The following C8orf34 variants were observed in gnomAD, a reference collection of about 807,000 sequenced individuals.
The protein encoded by C8orf34 is chromosome 8 open reading frame 34, also known as uncharacterized protein C8orf34.
In C8orf34, 65 loss-of-function variants were observed where a neutral mutation model predicts 68.3. The ratio of observed to expected loss-of-function variants is 0.95; its 90% CI spans 0.78 to 1.17. C8orf34 has a LOEUF of 1.17. Ranked by LOEUF, C8orf34 falls within the 50% of genes most tolerant of loss-of-function variation. The pLI is 0.00. For missense variants in C8orf34, 664 were observed against 655.4 expected (o/e 1.01, Z -0.14); for synonymous variants, 244 against 241.2 (o/e 1.01, Z -0.11).
chr8:68,459,810 C>T (rs1251262060), intron 3 of C8orf34, among the ~76,000 whole-genome samples: 1 of 152,100 alleles, frequency 6.6e-6, no homozygotes, highest in African/African-American at 2.4e-5. Flanking sequence ...AGGGTGAGAG[C>T]CAAGATGGCC....
intron 1 of C8orf34, among the ~76,000 whole-genome samples, chr8:68,338,692 C>T (rs1021685914): frequency 2.6e-5 from 4 of 151,970 alleles, no homozygotes; most frequent in African/African-American, 4.8e-5. Flanking sequence ...AGTTGTATTC[C>T]GTATGGCTAT....
chr8:68,714,517 C>T (rs1187136420), intron 9 of C8orf34, among the ~76,000 whole-genome samples: 1 of 151,608 alleles, frequency 6.6e-6, no homozygotes, highest in African/African-American at 2.4e-5. Flanking sequence ...GAGAACTCAA[C>T]CCTTTTCATA....
At chr8:68,578,264 A>G (rs953930097) in intron 7 of C8orf34, among the ~76,000 whole-genome samples, 4 of 152,034 alleles carry the variant, frequency 2.6e-5, no homozygotes, top group African/African-American at 7.2e-5. Context: ...TTATGATGCC[A>G]AGATACACTC....
chr8:68,416,921 T>C (rs1809695518), intron 1 of C8orf34, among the ~76,000 whole-genome samples: 1 of 152,158 alleles, frequency 6.6e-6, no homozygotes, highest in African/African-American at 2.4e-5. Flanking sequence ...GTTCCTCCTT[T>C]GTATTTAAGT....
At chr8:68,799,824 A>G (rs1014436367) in intron 12 of C8orf34, among the ~76,000 whole-genome samples, 5 of 152,232 alleles carry the variant, frequency 3.3e-5, no homozygotes, top group African/African-American at 9.6e-5. Context: ...GACAGTAGAA[A>G]CACGAGATTG....
intron 6 of C8orf34, among the ~76,000 whole-genome samples, chr8:68,527,440 T>C (rs1217822560): frequency 4.6e-5 from 7 of 152,034 alleles, no homozygotes; most frequent in Admixed American, 2.0e-4. Context: ...GGCGTGGTGG[T>C]GGGCGCCTGT....
intron 10 of C8orf34, among the ~76,000 whole-genome samples, chr8:68,773,228 T>C (rs780304306): frequency 2.6e-5 from 4 of 152,100 alleles, no homozygotes; most frequent in Non-Finnish European, 5.9e-5. Flanking sequence ...GAACCCGAGA[T>C]AGATGTATTG....
intron 8 of C8orf34, among the ~76,000 whole-genome samples, chr8:68,654,354 T>G (rs565884549): frequency 2.0e-5 from 3 of 152,310 alleles, no homozygotes; most frequent in Non-Finnish European, 4.4e-5. Flanking sequence ...TAAGACAGTT[T>G]TCTCAGTACT....
At chr8:68,367,935 A>AAAAAAAAAAAAAAC (rs1807379171) in intron 1 of C8orf34, among the ~76,000 whole-genome samples, 1 of 134,030 alleles carries the variant, frequency 7.5e-6, no homozygotes, top group Non-Finnish European at 1.7e-5. Context: ...AAAAAAAAAA[A>AAAAAAAAAAAAAAC]AAGAAAAAAG....
At chr8:68,466,129 A>G (rs1812122508) in intron 3 of C8orf34, among the ~76,000 whole-genome samples, 1 of 151,968 alleles carries the variant, frequency 6.6e-6, no homozygotes, top group Non-Finnish European at 1.5e-5. Context: ...AGGCACAAAA[A>G]GACTAATATT....
chr8:68,639,515 G>T (rs945225876), intron 7 of C8orf34, among the ~76,000 whole-genome samples: 3 of 152,078 alleles, frequency 2.0e-5, no homozygotes, highest in Admixed American at 6.6e-5. Context: ...GTCATCAGAA[G>T]ATGGTGATTT....
chr8:68,605,235 C>G (rs1017910300), intron 7 of C8orf34, among the ~76,000 whole-genome samples: 45 of 152,130 alleles, frequency 3.0e-4, no homozygotes, highest in African/African-American at 1.1e-3. Flanking sequence ...TTTGGAGCAA[C>G]AGCAGCTCTC....
intron 11 of C8orf34, among the ~76,000 whole-genome samples, chr8:68,781,459 C>T (rs890515056): frequency 1.3e-5 from 2 of 152,126 alleles, no homozygotes; most frequent in African/African-American, 2.4e-5. Flanking sequence ...CTAAAAGTAA[C>T]ACAAAGAAGT....
intron 7 of C8orf34, chr8:68,533,591 G>A (rs1206582405): frequency 2.0e-6 from 2 of 985,496 alleles, no homozygotes; most frequent in East Asian, 2.3e-4. Flanking sequence ...AGTTGAAAGG[G>A]GCAGATAGTA....
chr8:68,675,819 A>G (rs1820169757), intron 8 of C8orf34, among the ~76,000 whole-genome samples: 1 of 152,210 alleles, frequency 6.6e-6, no homozygotes, highest in South Asian at 2.1e-4. Context: ...GGATAAAAAT[A>G]CAAACTCAGT....
Position 68,331,037 on chromosome 8 carries a change from TTGTC to T in C8orf34, c.28_31del (p.Glu11TrpfsTer100). 6.8e-7 allele frequency: 1 copy of T among 1,466,128 alleles called. No individual in the cohort carries two copies. Among genetic ancestry groups the T allele is most frequent in the Non-Finnish European group, 8.9e-7 (1 of 1,121,186 alleles). 90.8% of individuals were successfully genotyped at this position (1,466,128 alleles called of 1,614,324 possible). The stretch of plus-strand genomic sequence containing the variant: ...AATGAGTTCTCCCCTCGCCTCGGAG[TTGTC>T]TGAGTTGGCGGCGCTGCGCCCAGGC... On this transcript the variant is annotated frameshift_variant, in exon 1 of 14. Coordinates refer to ENST00000518698, the MANE Select transcript of C8orf34 (RefSeq NM_052958.4). LOFTEE classifies it high-confidence loss of function.
intron 7 of C8orf34, among the ~76,000 whole-genome samples, chr8:68,616,238 C>A (rs1818208767): frequency 6.6e-6 from 1 of 151,978 alleles, no homozygotes; most frequent in Non-Finnish European, 1.5e-5. Flanking sequence ...TTTCAAAAAA[C>A]CAACTCCTGG....
intron 5 of C8orf34, among the ~76,000 whole-genome samples, chr8:68,508,033 G>A (rs72664988): frequency 3.1e-4 from 47 of 152,222 alleles, no homozygotes; most frequent in Middle Eastern, 3.4e-3. Flanking sequence ...TGGCAAGGCC[G>A]TGAATTTAAT....
intron 1 of C8orf34, among the ~76,000 whole-genome samples, chr8:68,427,892 G>GT (rs929432732): frequency 4.0e-5 from 6 of 149,234 alleles, no homozygotes; most frequent in African/African-American, 7.3e-5. Flanking sequence ...AAATTTCTAA[G>GT]TTTTTTTATT....
Sources: allele counts gnomAD v4.1 joint callset (sites outside exome capture counted in the v4.1 genomes callset), GRCh38; gene constraint gnomAD v4.1.1; transcripts MANE v1.5; gene names NCBI Gene and HGNC (gene_info 2026-07-23, HGNC 2026-07-21).